AKAP13: variants seen among roughly 807,000 people sequenced by gnomAD.
AKAP13 encodes the protein A-kinase anchoring protein 13, also known as A-kinase anchor protein 13.
A neutral mutation model predicts 264.5 loss-of-function variants in AKAP13; 80 were observed. The ratio of observed to expected loss-of-function variants is 0.30; its 90% confidence interval spans 0.25 to 0.36. The LOEUF (loss-of-function observed/expected upper bound fraction) is 0.36. AKAP13 is among the 10% of genes least tolerant of loss of function. The pLI, the probability that AKAP13 is intolerant of heterozygous loss-of-function variation, is 1.00. For synonymous variants in AKAP13, 1,380 were observed against 1,250.2 expected (o/e 1.10, Z -2.19); for missense variants, 3,712 against 3,435.2 (o/e 1.08, Z -2.01).
intron 2 of AKAP13, among the ~76,000 whole-genome samples, chr15:85,488,401 G>C (rs1237165553): frequency 1.8e-4 from 27 of 152,162 alleles, no homozygotes; most frequent in Non-Finnish European, 1.2e-4. Context: ...GTCTTTGTCT[G>C]GTTTTGAGTA....
At chr15:85,531,851 C>T (rs1294951117) in intron 3 of AKAP13, among the ~76,000 whole-genome samples, 3 of 152,132 alleles carry the variant, frequency 2.0e-5, no homozygotes, top group Non-Finnish European at 4.4e-5. Flanking sequence ...TTAAACTAGC[C>T]CATCATTCCA....
In AKAP13 at chr15:85,680,577, A is replaced by C. The variant is rs1264193583; in HGVS notation, c.5102-1581A>C. Among the ~76,000 whole-genome samples, 4 of 152,188 alleles carry C rather than the reference A, an allele frequency of 2.6e-5. No homozygotes were observed. In the East Asian group the frequency reaches 7.7e-4, roughly 29 times the overall value. On this transcript the variant is annotated intron_variant, in intron 14 of 36. Coordinates refer to ENST00000394518, the MANE Select transcript of AKAP13 (RefSeq NM_007200.5). ...TATTATTCCTACCTGTTGGCAATTT[A>C]AATTTAGCCAGGTGCAATGGCTCAC...
intron 27 of AKAP13, 141 bp downstream of exon 27, chr15:85,726,627 C>G: frequency 1.5e-6 from 1 of 680,278 alleles, no homozygotes; most frequent in Non-Finnish European, 2.4e-6. Flanking sequence ...TTCCCACATG[C>G]CCTCAGAATT....
At chr15:85,533,228 T>A (rs1413877177) in intron 3 of AKAP13, among the ~76,000 whole-genome samples, 1 of 152,232 alleles carries the variant, frequency 6.6e-6, no homozygotes. Flanking sequence ...TTCCATCATA[T>A]GCTATGCCTT....
intron 3 of AKAP13, among the ~76,000 whole-genome samples, chr15:85,522,592 C>G (rs1033462114): frequency 6.6e-6 from 1 of 152,070 alleles, no homozygotes; most frequent in East Asian, 1.9e-4. Flanking sequence ...TGTACCAGAT[C>G]CTTGTACATT....
At chr15:85,603,185 C>T (rs2080169156) in intron 8 of AKAP13, among the ~76,000 whole-genome samples, 1 of 152,322 alleles carries the variant, frequency 6.6e-6, no homozygotes, top group South Asian at 2.1e-4. Context: ...TAGCTCACAA[C>T]ATAAAATAAC....
At chr15:85,670,523 T>A (rs1048355252) in intron 14 of AKAP13, among the ~76,000 whole-genome samples, 1 of 149,728 alleles carries the variant, frequency 6.7e-6, no homozygotes, top group Non-Finnish European at 1.5e-5. Context: ...TTATCTAGTA[T>A]GTACACCTTA....
At chr15:85,422,443 C>T (rs1490222789) in intron 1 of AKAP13, among the ~76,000 whole-genome samples, 1 of 152,204 alleles carries the variant, frequency 6.6e-6, no homozygotes, top group Non-Finnish European at 1.5e-5. Flanking sequence ...TGGGGAAGTA[C>T]TCTGTTCAGT....
At chr15:85,558,169 C>A (rs1476709928) in intron 5 of AKAP13, among the ~76,000 whole-genome samples, 1 of 152,152 alleles carries the variant, frequency 6.6e-6, no homozygotes, top group African/African-American at 2.4e-5. Flanking sequence ...AGTTCTCTGA[C>A]CCACCTTACC....
In AKAP13 at chr15:85,459,842, G is replaced by A. The variant is rs535455106; in HGVS notation, c.-11-25868G>A. On this transcript the variant is annotated intron_variant, in intron 1 of 36. Transcript: ENST00000394518. ...CAGTACCATCATCTATCTAGTTAAG[G>A]TGAAAATCTTTCTAGACTCCTACTT... Among the ~76,000 whole-genome samples the A allele has an allele frequency of 5.3e-4, 81 of 152,244 alleles. 2 individuals are homozygous for A. In the South Asian group the frequency reaches 8.3e-3, roughly 16 times the overall value.
rs142734781 is a variant in AKAP13, at chr15:85,653,623, C to T, written c.4375-1794C>T. On this transcript the variant is annotated intron_variant, in intron 10 of 36. Coordinates refer to ENST00000394518, the MANE Select transcript of AKAP13 (RefSeq NM_007200.5). ...AGTATAGAGATATAGAGCTTGTTTT[C>T]TATTCCAAAGCTGAAAGATTTTCAT... 2.6e-5 allele frequency among the ~76,000 whole-genome samples: 4 copies of T among 152,252 alleles called. No individual in the cohort carries two copies. The East Asian group carries it at 7.7e-4, about 29-fold the overall frequency.
intron 16 of AKAP13, among the ~76,000 whole-genome samples, chr15:85,686,967 C>T (rs962455239): frequency 3.3e-5 from 5 of 152,114 alleles, no homozygotes; most frequent in South Asian, 2.1e-4. Context: ...ACAAGCTTTT[C>T]GTGGAAGACC....
At chr15:85,435,204 T>C (rs1417287648) in intron 1 of AKAP13, among the ~76,000 whole-genome samples, 1 of 148,644 alleles carries the variant, frequency 6.7e-6, no homozygotes, top group East Asian at 2.0e-4. Context: ...TGCGATCAAC[T>C]GGAAGAAAGG....
At chr15:85,609,240 C>G (rs569688536) in intron 8 of AKAP13, among the ~76,000 whole-genome samples, 126 of 152,096 alleles carry the variant, frequency 8.3e-4, no homozygotes, top group Non-Finnish European at 1.6e-3. Context: ...GACTCTTTAC[C>G]CATTGACCAA....
At chr15:85,413,062 A>G (rs1366505421) in intron 1 of AKAP13, among the ~76,000 whole-genome samples, 2 of 152,216 alleles carry the variant, frequency 1.3e-5, no homozygotes, top group Non-Finnish European at 1.5e-5. Flanking sequence ...TTTCATCAGG[A>G]TGTTCTGCTG....
Position 85,580,829 on chromosome 15 carries a change from T to C in AKAP13, c.2761T>C (p.Ser921Pro), listed in dbSNP as rs1401320084. The C allele has an allele frequency of 1.9e-6, 3 of 1,614,106 alleles. No homozygotes were observed. Among genetic ancestry groups the C allele is most frequent in the Non-Finnish European group, 2.5e-6 (3 of 1,180,032 alleles). ...EGKLLVVSES[S>P]AAQEQDKDKA... ...AAAACTTCTGGTGGTTTCAGAAAGC[T>C]CTGCAGCTCAGGAACAAGATAAGGA... The change falls in exon 7 of 37, where the codon TCT becomes CCT. Residue 921 changes from serine to proline, a missense_variant. This residue lies in a region of AKAP13 where 2,759 missense variants were observed against 2,411.7 expected (regional missense o/e 1.14). Transcript: ENST00000394518.
At chr15:85,470,538 G>A (rs1424307554) in intron 1 of AKAP13, among the ~76,000 whole-genome samples, 2 of 152,196 alleles carry the variant, frequency 1.3e-5, no homozygotes, top group Non-Finnish European at 2.9e-5. Context: ...CTGACACCTA[G>A]AGAGATTACG....
intron 17 of AKAP13, among the ~76,000 whole-genome samples, chr15:85,703,352 T>C (rs2151673730): frequency 6.6e-6 from 1 of 152,356 alleles, no homozygotes; most frequent in Middle Eastern, 3.4e-3. Flanking sequence ...TTATTTCATT[T>C]TTGTTTACCA....
chr15:85,637,777 C>T (rs1182376406), intron 8 of AKAP13, among the ~76,000 whole-genome samples: 1 of 151,260 alleles, frequency 6.6e-6, no homozygotes, highest in African/African-American at 2.4e-5. Context: ...GTTAGCACTG[C>T]TTTAGTTATA....
Sources: allele counts gnomAD v4.1 joint callset (sites outside exome capture counted in the v4.1 genomes callset), GRCh38; gene constraint gnomAD v4.1.1; regional missense constraint gnomAD v4.1.1; transcripts MANE v1.5; gene names NCBI Gene and HGNC (gene_info 2026-07-23, HGNC 2026-07-21).